The following NBPF9 variants were observed in gnomAD, a reference collection of about 807,000 sequenced individuals.
NBPF9 encodes the protein NBPF member 9.
A neutral mutation model predicts 97.8 loss-of-function variants in NBPF9; 91 were observed. The ratio of observed to expected loss-of-function variants is 0.93; its 90% CI spans 0.79 to 1.11. The LOEUF is 1.11. NBPF9 is among the 50% of genes least tolerant of loss of function. The pLI is 0.00. For synonymous variants in NBPF9, 334 were observed against 359.5 expected, an observed-to-expected ratio of 0.93 and a Z score of 0.80; for missense variants, 992 against 939.5, an observed-to-expected ratio of 1.06 and a Z score of -0.73.
chr1:149,064,329 T>G, intron 19 of NBPF9, 102 bp downstream of exon 19: 2 of 778,512 alleles, frequency 2.6e-6, no homozygotes, highest in Non-Finnish European at 4.1e-6. Flanking sequence ...CATACTTGTC[T>G]GACAAGACAA....
intron 12 of NBPF9, 80 bp downstream of exon 12, chr1:149,075,575 A>T: frequency 7.1e-7 from 1 of 1,399,778 alleles, no homozygotes; most frequent in East Asian, 2.3e-5. Flanking sequence ...ATTATTTTTG[A>T]TGGAGAGAGC....
intron 4 of NBPF9, among the ~76,000 whole-genome samples, chr1:149,094,095 G>A (rs868929719): frequency 6.6e-5 from 10 of 151,994 alleles, no homozygotes; most frequent in African/African-American, 7.3e-5. Context: ...AGATGGCGCC[G>A]TTGCATTCGA....
chr1:149,073,584 T>G (rs1456857086), intron 13 of NBPF9, among the ~76,000 whole-genome samples, 184 bp downstream of exon 13: 2 of 149,916 alleles, frequency 1.3e-5, no homozygotes, highest in Admixed American at 6.7e-5. Context: ...GAGAAACAAC[T>G]GCAACCCATA....
intron 18 of NBPF9, chr1:149,064,978 A>G (rs2078939876): frequency 1.9e-6 from 1 of 536,330 alleles, no homozygotes; most frequent in Non-Finnish European, 3.3e-6. Flanking sequence ...TCAGCCATTT[A>G]TCTAGAAAAC....
chr1:149,098,700 A>G (rs1553662505), exon 4 of NBPF9: 1 of 529,240 alleles, frequency 1.9e-6, no homozygotes, highest in Non-Finnish European at 2.5e-6. Context: ...ATTTGCTTTC[A>G]GATTGCCTAT....
intron 17 of NBPF9, among the ~76,000 whole-genome samples, chr1:149,068,300 C>A (rs1267604880): frequency 6.6e-6 from 1 of 150,780 alleles, no homozygotes; most frequent in African/African-American, 2.5e-5. Flanking sequence ...TGTAAATGGG[C>A]TAAATGCCCC....
intron 15 of NBPF9, 83 bp from the exon 16 acceptor site, chr1:149,071,222 G>T: frequency 1.7e-6 from 2 of 1,171,984 alleles, no homozygotes; most frequent in South Asian, 1.3e-5. Flanking sequence ...GGTTTTGACA[G>T]GCGGCATTAA....
At chr1:149,072,762 T>G in exon 14 of NBPF9, 1 of 1,597,016 alleles carries the variant, frequency 6.3e-7, no homozygotes, top group South Asian at 1.1e-5. Context: ...TCTACACCCC[T>G]CAGCCAGCTG....
At position 149,071,047 on chromosome 1, in the gene NBPF9, G is replaced by A. The variant is rs587615488; in HGVS notation, c.1472C>T (p.Ser491Phe). Reference sequence around the variant, plus strand: ...TTTGGTTTTCCTATGTGGCTGGTTGGAGTCATAAGGGCCATGGCTATTTGA... The same window carrying A: ...TTTGGTTTTCCTATGTGGCTGGTTGAAGTCATAAGGGCCATGGCTATTTGA... The change falls in exon 16 of 30, where the codon TCC (serine) becomes TTC (phenylalanine). Residue 491 changes from serine (S) to phenylalanine (F), a missense_variant. Around this residue, in one of 11 missense-constraint regions of NBPF9, gnomAD observed 151 missense variants for 132.8 expected, o/e 1.14. Coordinates refer to ENST00000584027, the Ensembl canonical transcript of NBPF9. 7.7e-4 allele frequency: 1,240 copies of A among 1,611,396 alleles called. 9 individuals are homozygous for A. The African/African-American group carries it at 0.015, about 19-fold the overall frequency.
At chr1:149,065,617 A>T (rs782314881) in exon 18 of NBPF9, 8 of 1,603,450 alleles carry the variant, frequency 5.0e-6, no homozygotes, top group East Asian at 2.5e-5. Flanking sequence ...TTTCAGGAGG[A>T]ATTGAGGGAG....
intron 25 of NBPF9, chr1:149,059,355 A>C: frequency 2.2e-6 from 1 of 451,780 alleles, no homozygotes; most frequent in East Asian, 2.9e-5. Flanking sequence ...ACACTGATGA[A>C]GGAGTAAAAG....
Position 149,059,013 on chromosome 1 carries a change from A to G in NBPF9, c.2670T>C (p.Tyr890=), listed in dbSNP as rs1275443179. 113 of 417,736 alleles carry G rather than the reference A, an allele frequency of 2.7e-4. 11 individuals carry two copies. The African/African-American group carries it at 3.8e-3, about 14-fold the overall frequency. The allele number at this position is 417,736 out of a possible 1,614,324, so 25.9% of individuals were successfully genotyped here. Residue 890 remains tyrosine, a synonymous_variant, in exon 26 of 30, where the codon TAT becomes TAC. Transcript: ENST00000584027. ...GCTGGCCTAAGTCAGGCAGTTCAAG[A>G]TAACCTGAAGGAGTCGAATAACATC...
exon 18 of NBPF9, chr1:149,065,664 C>T (rs781975349): frequency 1.1e-5 from 17 of 1,603,546 alleles, no homozygotes; most frequent in Non-Finnish European, 1.4e-5. Flanking sequence ...TGGGGGACTT[C>T]CTCCTCTTCA....
At chr1:149,085,069 C>T (rs1242059462) in intron 5 of NBPF9, among the ~76,000 whole-genome samples, 3 of 152,176 alleles carry the variant, frequency 2.0e-5, no homozygotes, top group East Asian at 3.9e-4. Context: ...GCCCACCTTT[C>T]CTTCACATAC....
chr1:149,075,061 C>A (rs1472176611), intron 12 of NBPF9, among the ~76,000 whole-genome samples: 2 of 151,492 alleles, frequency 1.3e-5, no homozygotes, highest in African/African-American at 4.8e-5. Flanking sequence ...CTGCCCGCCT[C>A]AGCCTCCCAA....
intron 29 of NBPF9, among the ~76,000 whole-genome samples, chr1:149,056,186 G>C (rs1373955105): frequency 1.3e-5 from 2 of 150,886 alleles, no homozygotes; most frequent in Non-Finnish European, 3.0e-5. Context: ...AGGACACTCT[G>C]AGTTAGTGCC....
At chr1:149,077,893 A>G in exon 10 of NBPF9, 2 of 1,530,874 alleles carry the variant, frequency 1.3e-6, no homozygotes, top group East Asian at 4.5e-5. Flanking sequence ...CTGGGGGCAG[A>G]TGATTCCAGT....
Position 149,072,717 on chromosome 1 carries a change from C to T in NBPF9, c.1306+1G>A, listed in dbSNP as rs781864440. On this transcript the variant is annotated splice_donor_variant, in intron 14 of 29. Transcript: ENST00000584027. LOFTEE classifies it high-confidence loss of function. The stretch of plus-strand genomic sequence containing the variant: ...GTCAACAGGGCCTATGGCCACCTTA[C>T]CTGGGCTGAGCTTTTGGACAAGGTG... 4.1e-5 allele frequency: 66 copies of T among 1,611,630 alleles called. 1 individual carries two copies. The highest frequency in any genetic ancestry group is 2.5e-4 in the East Asian group (11 of 44,836).
chr1:149,082,191 C>G lies in NBPF9; in HGVS notation c.-35-17G>C. The G allele has an allele frequency of 6.2e-7, 1 of 1,608,886 alleles. No individual in the cohort carries two copies. Among genetic ancestry groups the G allele is most frequent in the Non-Finnish European group, 8.5e-7 (1 of 1,177,246 alleles). On this transcript the variant is annotated splice_polypyrimidine_tract_variant and intron_variant, in intron 6 of 29. Transcript: ENST00000584027. ...GGCCAGGGACTGGGGAGAAGAAACC[C>G]AAACATATGATGGGTTAAAAACTGG... is the stretch of plus-strand genomic sequence containing the variant.
Sources: gnomAD v4.1 joint callset for allele counts (sites outside exome capture counted in the v4.1 genomes callset) on GRCh38, gnomAD v4.1.1 for gene constraint, gnomAD v4.1.1 regional missense constraint, MANE v1.5 for transcripts, NCBI Gene and HGNC (gene_info 2026-07-23, HGNC 2026-07-21) for gene names.